The following NHSL2 variants were observed in gnomAD, a reference collection of about 807,000 sequenced individuals.
The protein encoded by NHSL2 is NHS like 2.
A neutral mutation model predicts 53.4 loss-of-function variants in NHSL2; 27 were observed. That is an observed-to-expected ratio of 0.51 (90% CI 0.37 to 0.70). The LOEUF is 0.70. NHSL2 is among the 30% of genes least tolerant of loss of function. The pLI, the probability that NHSL2 is intolerant of heterozygous loss-of-function variation, is 0.00. For missense variants in NHSL2, 892 were observed against 980.1 expected (o/e 0.91, Z 1.20); for synonymous variants, 408 against 404.1 (o/e 1.01, Z -0.12).
At chrX:72,012,869 G>A (rs2042121468) in intron 1 of NHSL2, among the ~76,000 whole-genome samples, 1 of 111,918 alleles carries the variant, frequency 8.9e-6, no homozygotes, top group Non-Finnish European at 1.9e-5. Context: ...CTATTTCTAG[G>A]TTCTCTACTC....
At chrX:72,114,874 G>A (rs1602380122) in intron 1 of NHSL2, among the ~76,000 whole-genome samples, 1 of 112,157 alleles carries the variant, frequency 8.9e-6, no homozygotes, top group East Asian at 2.8e-4. Flanking sequence ...GGGAATTTGG[G>A]AAGAGGAAGA....
intron 1 of NHSL2, among the ~76,000 whole-genome samples, chrX:71,956,899 C>T (rs1428413318): frequency 2.7e-5 from 3 of 111,319 alleles, no homozygotes; most frequent in East Asian, 2.8e-4. Flanking sequence ...CTACTTTCCT[C>T]CTGGTTTAAT....
At chrX:71,926,803 C>T (rs755311034) in intron 1 of NHSL2, among the ~76,000 whole-genome samples, 1 of 111,257 alleles carries the variant, frequency 9.0e-6, no homozygotes, top group Non-Finnish European at 1.9e-5. Flanking sequence ...TAGCTTGGTC[C>T]CATTTCACAG....
chrX:72,069,625 G>C (rs915516425), intron 1 of NHSL2: 1 of 878,094 alleles, frequency 1.1e-6, no homozygotes, highest in African/African-American at 2.1e-5. Flanking sequence ...AGGAGGAGGA[G>C]GAGAAAGAGG....
intron 1 of NHSL2, among the ~76,000 whole-genome samples, chrX:72,040,309 TCA>T (rs1364208756): frequency 4.5e-5 from 5 of 111,974 alleles, no homozygotes; most frequent in African/African-American, 1.6e-4. Context: ...TCCCACTCTC[TCA>T]CACACACATA....
At position 72,061,567 on chromosome X, in the gene NHSL2, AT is replaced by A. The variant is rs760353464; in HGVS notation, c.281-70509del. Among the ~76,000 whole-genome samples, 9 of 111,843 alleles carry A rather than the reference AT, an allele frequency of 8.0e-5. No individual in the cohort carries two copies. In the South Asian group the frequency reaches 3.4e-3, roughly 42 times the overall value. The stretch of plus-strand genomic sequence containing the variant: ...GGACTACTACGATAGCCTCCTGCCC[AT>A]TTCTACTGGAACTTCCCTCCAGCCC... On this transcript the variant is annotated intron_variant, in intron 1 of 7. Coordinates refer to ENST00000633930, the MANE Select transcript of NHSL2 (RefSeq NM_001013627.3).
In NHSL2 at chrX:72,058,034, T is replaced by C. The variant is rs144129731; in HGVS notation, c.281-74045T>C. The stretch of plus-strand genomic sequence containing the variant: ...CACAGAAAGCACTTCTGCTGCATGC[T>C]GAGTGAGATGGTTGTCTAGAGAAGA... On this transcript the variant is annotated intron_variant, in intron 1 of 7. Transcript: ENST00000633930. Among the ~76,000 whole-genome samples, 844 of 112,499 alleles carry C rather than the reference T, an allele frequency of 7.5e-3. 8 individuals carry two copies. Among genetic ancestry groups the C allele is most frequent in the African/African-American group, 0.026 (797 of 30,914 alleles).
chrX:72,106,633 A>G (rs1200011864), intron 1 of NHSL2, among the ~76,000 whole-genome samples: 1 of 111,909 alleles, frequency 8.9e-6, no homozygotes, highest in Non-Finnish European at 1.9e-5. Context: ...CCAGAGGATT[A>G]TAAATCATGC....
At chrX:72,126,564 C>T (rs1442909440) in intron 1 of NHSL2, among the ~76,000 whole-genome samples, 1 of 72,530 alleles carries the variant, frequency 1.4e-5, no homozygotes, top group South Asian at 5.7e-4. Context: ...TTCCCACCCA[C>T]TTCCCCTGGA....
intron 1 of NHSL2, among the ~76,000 whole-genome samples, chrX:72,061,198 C>CT (rs1288524661): frequency 8.9e-6 from 1 of 111,910 alleles, no homozygotes; most frequent in African/African-American, 3.3e-5. Flanking sequence ...ATCCCTTTTT[C>CT]TTTTTTCGGA....
intron 1 of NHSL2, among the ~76,000 whole-genome samples, chrX:71,990,557 C>T (rs1238654695): frequency 9.0e-6 from 1 of 111,029 alleles, no homozygotes; most frequent in Non-Finnish European, 1.9e-5. Context: ...CAAGACCACC[C>T]CGCTCACACT....
At chrX:71,995,809 G>C (rs2042047608) in intron 1 of NHSL2, among the ~76,000 whole-genome samples, 2 of 112,596 alleles carry the variant, frequency 1.8e-5, no homozygotes, top group African/African-American at 6.4e-5. Flanking sequence ...CCCACAGAAT[G>C]TAAGCTTAAT....
chrX:72,121,508 C>A (rs1236712448), intron 1 of NHSL2, among the ~76,000 whole-genome samples: 2 of 112,006 alleles, frequency 1.8e-5, no homozygotes, highest in Non-Finnish European at 1.9e-5. Context: ...GAGCTTGAAA[C>A]TCAAACCAAG....
At position 72,126,797 on chromosome X, in the gene NHSL2, C is replaced by A. The variant is rs753818274; in HGVS notation, c.281-5282C>A. Among the ~76,000 whole-genome samples the A allele has an allele frequency of 2.7e-5, 3 of 112,201 alleles. No homozygotes were observed. In the South Asian group the frequency reaches 1.1e-3, roughly 41 times the overall value. ...GAAGGGCCCTCCCCAGCCAACCTGG[C>A]CTCTTTCTCTTCCTTCACTCAAAGT... On this transcript the variant is annotated intron_variant, in intron 1 of 7. Coordinates refer to ENST00000633930, the MANE Select transcript of NHSL2 (RefSeq NM_001013627.3).
At chrX:72,130,473 C>G (rs768655277) in intron 1 of NHSL2, 5 of 1,210,844 alleles carry the variant, frequency 4.1e-6, no homozygotes, top group African/African-American at 1.7e-5. Context: ...TGGAGTGAAG[C>G]CTGTGCCTGC....
intron 1 of NHSL2, chrX:72,131,815 A>C: frequency 4.6e-6 from 1 of 215,805 alleles, no homozygotes; most frequent in Non-Finnish European, 8.0e-6. Flanking sequence ...CAGGCGGAGG[A>C]TGCGGGCGAC....
intron 1 of NHSL2, chrX:72,044,533 C>T (rs1602328025): frequency 3.1e-6 from 2 of 643,049 alleles, no homozygotes; most frequent in East Asian, 6.6e-5. Context: ...CTCTCCGGTC[C>T]ATGCCTCCAA....
At chrX:72,010,742 G>C (rs976811288) in intron 1 of NHSL2, among the ~76,000 whole-genome samples, 3 of 112,191 alleles carry the variant, frequency 2.7e-5, no homozygotes, top group Non-Finnish European at 5.6e-5. Context: ...TTCACATGCA[G>C]TATAAGAAAT....
intron 1 of NHSL2, among the ~76,000 whole-genome samples, chrX:72,035,944 T>C (rs2042239268): frequency 9.0e-6 from 1 of 111,685 alleles, no homozygotes; most frequent in Non-Finnish European, 1.9e-5. Flanking sequence ...CCGCCTCCTG[T>C]CTGATCAGTG....
Sources: gnomAD v4.1 joint callset for allele counts (sites outside exome capture counted in the v4.1 genomes callset) on GRCh38, gnomAD v4.1.1 for gene constraint, MANE v1.5 for transcripts, NCBI Gene and HGNC (gene_info 2026-07-23, HGNC 2026-07-21) for gene names.